BEND4: variants seen among roughly 807,000 people sequenced by gnomAD.
BEND4 encodes BEN domain-containing protein 4.
A neutral mutation model predicts 54.7 loss-of-function variants in BEND4; 27 were observed. The observed-to-expected ratio is 0.49, with a 90% CI of 0.36 to 0.68. BEND4 has a LOEUF of 0.68. BEND4 is among the 30% of genes least tolerant of loss of function. The pLI, the probability that BEND4 is intolerant of heterozygous loss-of-function variation, is 0.00. For missense variants in BEND4, 702 were observed against 697.2 expected (o/e 1.01, Z -0.08); for synonymous variants, 327 against 299.5 (o/e 1.09, Z -0.95).
chr4:42,151,904 GAACTGCT>G lies in BEND4; in HGVS notation c.233_239del (p.Gln78ProfsTer34). 7.9e-7 allele frequency: 1 copy of G among 1,260,830 alleles called. No homozygotes were observed. Among genetic ancestry groups the G allele is most frequent in the Non-Finnish European group, 9.9e-7 (1 of 1,006,158 alleles). The allele number at this position is 1,260,830 out of a possible 1,614,324, so 78.1% of individuals were successfully genotyped here. ...CGGGGGGGTAGGAGCTCTGCGCCTG[GAACTGCT>G]GCGGCGGCGGCTCGCTGCTGCTGAT... On this transcript the variant is annotated frameshift_variant, in exon 2 of 6. Coordinates refer to ENST00000502486, the MANE Select transcript of BEND4 (RefSeq NM_207406.4). LOFTEE classifies it high-confidence loss of function.
intron 2 of BEND4, among the ~76,000 whole-genome samples, chr4:42,145,578 G>C (rs1426669902): frequency 6.6e-6 from 1 of 151,700 alleles, no homozygotes; most frequent in Non-Finnish European, 1.5e-5. Context: ...TGTAGTCCCA[G>C]CTACTCGGGG....
chr4:42,122,069 C>T (rs1174685469), intron 4 of BEND4, among the ~76,000 whole-genome samples: 1 of 152,154 alleles, frequency 6.6e-6, no homozygotes, highest in Non-Finnish European at 1.5e-5. Context: ...AACTCAAAAC[C>T]ACTCACTGTG....
intron 3 of BEND4, among the ~76,000 whole-genome samples, chr4:42,138,001 T>C (rs1035509892): frequency 1.3e-5 from 2 of 152,162 alleles, no homozygotes; most frequent in African/African-American, 4.8e-5. Context: ...GGTGGGAATG[T>C]AGAATGGTAC....
intron 3 of BEND4, among the ~76,000 whole-genome samples, chr4:42,133,671 T>A (rs1340259372): frequency 1.3e-5 from 2 of 152,034 alleles, no homozygotes; most frequent in African/African-American, 4.8e-5. Context: ...TGGGCTAACA[T>A]GGTGAAACCC....
rs1486345490 is a variant in BEND4, at chr4:42,115,817, CA to C, written c.*1700del. On this transcript the variant is annotated 3_prime_UTR_variant, in exon 6 of 6. Transcript: ENST00000502486. Reference sequence around the variant, plus strand: ...CTTCCAAATTTTAGCTAATTTGCCCCAAATAGAATTGAATATTGGTTCTCCC... The same window carrying C: ...CTTCCAAATTTTAGCTAATTTGCCCCAATAGAATTGAATATTGGTTCTCCC... 6.6e-6 allele frequency: 1 copy of C among 151,708 alleles called. No homozygotes were observed. Among genetic ancestry groups the C allele is most frequent in the Non-Finnish European group, 1.5e-5 (1 of 68,026 alleles). The allele number at this position is 151,708 out of a possible 1,614,324, so 9.4% of individuals were successfully genotyped here.
chr4:42,139,151 C>G (rs1222309449), intron 3 of BEND4, among the ~76,000 whole-genome samples: 1 of 152,112 alleles, frequency 6.6e-6, no homozygotes, highest in Non-Finnish European at 1.5e-5. Flanking sequence ...AAGTCTTCTG[C>G]TTTTGTGGTT....
At chr4:42,125,521 A>G in intron 4 of BEND4, 62 bp downstream of exon 4, 1 of 1,291,116 alleles carries the variant, frequency 7.7e-7, no homozygotes, top group Non-Finnish European at 1.1e-6. Flanking sequence ...TACACTGATA[A>G]GTTAATCAAG....
At chr4:42,122,735 A>C (rs7657111) in intron 4 of BEND4, among the ~76,000 whole-genome samples, 28,882 of 152,106 alleles carry the variant, frequency 0.19, 3,351 homozygotes, top group African/African-American at 0.33. Flanking sequence ...TAAGCTGTTT[A>C]TTTAACACCA....
At chr4:42,146,226 GTGTCAGA>G (rs1721076548) in intron 2 of BEND4, among the ~76,000 whole-genome samples, 1 of 152,276 alleles carries the variant, frequency 6.6e-6, no homozygotes, top group Admixed American at 6.5e-5. Context: ...AGAGACCATG[GTGTCAGA>G]TCCTGGAAGT....
intron 3 of BEND4, among the ~76,000 whole-genome samples, chr4:42,134,780 GT>G (rs1456062467): frequency 6.6e-6 from 1 of 152,238 alleles, no homozygotes; most frequent in East Asian, 1.9e-4. Context: ...AGTTTCTCAA[GT>G]GGAGAGAAAA....
Position 42,151,706 on chromosome 4 carries a change from G to T in BEND4, c.438C>A (p.Ala146=), listed in dbSNP as rs1470371220. ...TGTCGCTACCCGTGCCGCCGGTGCC[G>T]GCGGCCGCCGCCGCGCCTGGGCCAT... is the stretch of plus-strand genomic sequence containing the variant. ...VRYGPGAAAA[A]GTGGTGSDSA... Residue 146 remains alanine, a synonymous_variant, in exon 2 of 6, where the codon GCC becomes GCA. Transcript: ENST00000502486. The T allele has an allele frequency of 1.9e-5, 28 of 1,502,964 alleles. No individual in the cohort carries two copies. Among genetic ancestry groups the T allele is most frequent in the African/African-American group, 2.9e-5 (2 of 68,322 alleles). The allele number at this position is 1,502,964 out of a possible 1,614,324, so 93.1% of individuals were successfully genotyped here.
Position 42,117,708 on chromosome 4 carries a change from T to C in BEND4, c.1415A>G (p.Asn472Ser), listed in dbSNP as rs1248153890. Reference protein sequence around the residue: ...REFIRMHCTSNPDWWMPSEEQ... With the variant: ...REFIRMHCTSSPDWWMPSEEQ... ...TTCCGAGGGCATCCACCAATCGGGG[T>C]TGGAGGTACAATGCATCCTAATGAA... is the stretch of plus-strand genomic sequence containing the variant. Residue 472 changes from asparagine (N) to serine (S), a missense_variant, in exon 6 of 6, where the codon AAC becomes AGC. By Grantham distance (46) the Asn-to-Ser change is conservative. Coordinates refer to ENST00000502486, the MANE Select transcript of BEND4 (RefSeq NM_207406.4). 6 of 1,607,242 alleles carry C rather than the reference T, an allele frequency of 3.7e-6. No homozygotes were observed. Among genetic ancestry groups the C allele is most frequent in the Admixed American group, 3.4e-5 (2 of 59,102 alleles).
At chr4:42,128,343 G>C (rs533908615) in intron 3 of BEND4, among the ~76,000 whole-genome samples, 52 of 152,316 alleles carry the variant, frequency 3.4e-4, no homozygotes, top group African/African-American at 1.3e-3. Context: ...AAAGTTCTGG[G>C]CCAGGCACAG....
At chr4:42,135,799 A>T (rs1720677768) in intron 3 of BEND4, among the ~76,000 whole-genome samples, 1 of 151,936 alleles carries the variant, frequency 6.6e-6, no homozygotes, top group Non-Finnish European at 1.5e-5. Context: ...ACAAACATAC[A>T]AAAAAAACAT....
At chr4:42,136,340 G>C (rs1260667198) in intron 3 of BEND4, among the ~76,000 whole-genome samples, 1 of 152,180 alleles carries the variant, frequency 6.6e-6, no homozygotes, top group Non-Finnish European at 1.5e-5. Context: ...TTCTTAATTA[G>C]AAAATGTCAA....
intron 2 of BEND4, among the ~76,000 whole-genome samples, chr4:42,145,103 G>A (rs1577768272): frequency 6.6e-6 from 1 of 152,176 alleles, no homozygotes; most frequent in Non-Finnish European, 1.5e-5. Flanking sequence ...ACTAGCACTA[G>A]CTCTCTCTGA....
chr4:42,121,396 CGTGAT>C (rs1370705524), intron 4 of BEND4, among the ~76,000 whole-genome samples: 2 of 152,152 alleles, frequency 1.3e-5, no homozygotes, highest in Non-Finnish European at 2.9e-5. Context: ...CAAGCAACGG[CGTGAT>C]GTGGTTTCCT....
In BEND4 at chr4:42,130,866, T is replaced by C. The variant is rs193189232; in HGVS notation, c.1055-5192A>G. Among the ~76,000 whole-genome samples, 136 of 148,902 alleles carry C rather than the reference T, an allele frequency of 9.1e-4. 1 individual carries two copies. The highest frequency in any genetic ancestry group is 3.2e-3 in the African/African-American group (125 of 38,594). On this transcript the variant is annotated intron_variant, in intron 3 of 5. Coordinates refer to ENST00000502486, the MANE Select transcript of BEND4 (RefSeq NM_207406.4). Reference sequence around the variant, plus strand: ...AAGAAAATGTGGTGCACAAACACCATAGAATACTATGCAGCCACAAAAAGG... The same window carrying C: ...AAGAAAATGTGGTGCACAAACACCACAGAATACTATGCAGCCACAAAAAGG...
intron 3 of BEND4, 117 bp from the exon 4 acceptor site, chr4:42,125,791 T>A: frequency 1.6e-6 from 1 of 626,558 alleles, no homozygotes. Flanking sequence ...CATACTGGAG[T>A]GCAGTGTGGT....
Sources: allele counts gnomAD v4.1 joint callset (sites outside exome capture counted in the v4.1 genomes callset), GRCh38; gene constraint gnomAD v4.1.1; transcripts MANE v1.5; gene names NCBI Gene and HGNC (gene_info 2026-07-23, HGNC 2026-07-21).